The following AASDH variants were observed in gnomAD, a reference collection of about 807,000 sequenced individuals.
AASDH encodes the protein beta-alanine-activating enzyme.
A neutral mutation model predicts 102.3 loss-of-function variants in AASDH; 81 were observed. That is an observed-to-expected ratio of 0.79 (90% CI 0.66 to 0.95). The LOEUF is 0.95. Among genes scored for constraint, AASDH ranks in the 40% least tolerant of loss-of-function variants. The pLI is 0.00. For synonymous variants in AASDH, 398 were observed against 454.0 expected (o/e 0.88, Z 1.57); for missense variants, 1,203 against 1,266.2 (o/e 0.95, Z 0.76).
intron 4 of AASDH, among the ~76,000 whole-genome samples, chr4:56,377,463 G>T (rs1226986648): frequency 6.6e-6 from 1 of 152,172 alleles, no homozygotes; most frequent in Non-Finnish European, 1.5e-5. Context: ...GGGCATACCA[G>T]GCTCCTGATC....
intron 1 of AASDH, among the ~76,000 whole-genome samples, chr4:56,385,362 C>T (rs1181725998): frequency 6.6e-6 from 1 of 152,104 alleles, no homozygotes; most frequent in Non-Finnish European, 1.5e-5. Flanking sequence ...TTCACTTAGA[C>T]TGAAAATATA....
At chr4:56,375,531 T>C (rs941462408) in intron 4 of AASDH, among the ~76,000 whole-genome samples, 4 of 152,146 alleles carry the variant, frequency 2.6e-5, no homozygotes, top group Non-Finnish European at 5.9e-5. Flanking sequence ...AAGCACAAAA[T>C]AGGTATCAAG....
intron 3 of AASDH, among the ~76,000 whole-genome samples, chr4:56,378,865 G>A (rs1050221776): frequency 1.3e-5 from 2 of 148,848 alleles, no homozygotes; most frequent in Non-Finnish European, 3.0e-5. Flanking sequence ...GGAGTGCAGT[G>A]GTATAATCTT....
intron 7 of AASDH, 108 bp downstream of exon 7, chr4:56,354,597 C>A: frequency 1.3e-6 from 1 of 765,346 alleles, no homozygotes; most frequent in Non-Finnish European, 2.1e-6. Context: ...TAAAAATTAT[C>A]ACTGAAAAGC....
Position 56,354,625 on chromosome 4 carries a change from A to G in AASDH, c.1210+80T>C. 4 of 1,078,346 alleles carry G rather than the reference A, an allele frequency of 3.7e-6. No homozygotes were observed. The South Asian group carries it at 6.2e-5, about 17-fold the overall frequency. The allele number at this position is 1,078,346 out of a possible 1,614,324, so 66.8% of individuals were successfully genotyped here. A position where few individuals can be genotyped will look rare whatever the true frequency, so the allele number is the denominator to read the frequency against. On this transcript the variant is annotated intron_variant, in intron 7 of 14. Coordinates refer to ENST00000205214, the MANE Select transcript of AASDH (RefSeq NM_181806.4). ...TGAAAAGCATGAGATAGACAAAAGA[A>G]AAAGACGAAAGGAATAAAATTAACA...
intron 3 of AASDH, among the ~76,000 whole-genome samples, chr4:56,379,185 C>T (rs1560617177): frequency 1.3e-5 from 2 of 152,150 alleles, no homozygotes; most frequent in Non-Finnish European, 2.9e-5. Context: ...CCACGCCTGA[C>T]CACAGCAGTG....
intron 14 of AASDH, among the ~76,000 whole-genome samples, chr4:56,341,834 G>A (rs569227545): frequency 7.7e-4 from 117 of 152,070 alleles, no homozygotes; most frequent in East Asian, 2.9e-3. Context: ...GTTGGGGGCC[G>A]GGCGTGGTGG....
At chr4:56,355,481 C>T in intron 5 of AASDH, 58 bp from the exon 6 acceptor site, 1 of 1,484,730 alleles carries the variant, frequency 6.7e-7, no homozygotes, top group Non-Finnish European at 9.1e-7. Context: ...AAAAGGTAAG[C>T]ACTGTAGTTA....
intron 5 of AASDH, among the ~76,000 whole-genome samples, chr4:56,363,151 C>T (rs184364478): frequency 0.016 from 2,454 of 152,342 alleles, 77 homozygotes; most frequent in African/African-American, 0.055. Flanking sequence ...GAGATCAAAC[C>T]GCAAGGCGGC....
At chr4:56,361,964 C>G (rs1750353199) in intron 5 of AASDH, among the ~76,000 whole-genome samples, 1 of 152,024 alleles carries the variant, frequency 6.6e-6, no homozygotes, top group Non-Finnish European at 1.5e-5. Flanking sequence ...AAAGCAAGAC[C>G]CTGTCTCAAA....
In AASDH at chr4:56,342,849, G is replaced by A. The variant is rs771466760; in HGVS notation, c.2893C>T (p.His965Tyr). ...AGTTCTATTACCTGTTCTCCAAAGT[G>A]AGTAAAGCAGAGTAAATTCCCATCT... ...CVDGNLLCFTHFGEQVWQFST... is the reference protein window; with the variant it reads ...CVDGNLLCFTYFGEQVWQFST... Residue 965 changes from histidine to tyrosine, a missense_variant, in exon 14 of 15, where the codon CAC becomes TAC. Physicochemically the swap from His to Tyr is moderately conservative, Grantham distance 83 (BLOSUM62 2). Coordinates refer to ENST00000205214, the MANE Select transcript of AASDH (RefSeq NM_181806.4). 7.5e-6 allele frequency: 11 copies of A among 1,465,550 alleles called. No homozygotes were observed. In the South Asian group the frequency reaches 1.3e-4, roughly 17 times the overall value. The allele number at this position is 1,465,550 out of a possible 1,614,324, so 90.8% of individuals were successfully genotyped here.
intron 4 of AASDH, among the ~76,000 whole-genome samples, chr4:56,375,094 G>C (rs998118584): frequency 2.4e-4 from 36 of 150,046 alleles, no homozygotes; most frequent in African/African-American, 8.6e-4. Flanking sequence ...TTTTTTTTAA[G>C]ACAGAGTCTC....
chr4:56,357,450 T>C (rs961386737), intron 5 of AASDH, among the ~76,000 whole-genome samples: 4 of 152,086 alleles, frequency 2.6e-5, no homozygotes, highest in Non-Finnish European at 5.9e-5. Flanking sequence ...GGGGATTAGA[T>C]TTCAACATAT....
chr4:56,347,752 A>G (rs1748488194), intron 11 of AASDH, among the ~76,000 whole-genome samples: 1 of 152,186 alleles, frequency 6.6e-6, no homozygotes, highest in African/African-American at 2.4e-5. Flanking sequence ...AATTACAAAC[A>G]TTAGCCAGGT....
intron 1 of AASDH, 79 bp downstream of exon 1, chr4:56,387,283 G>A (rs1578103139): frequency 6.6e-6 from 1 of 152,286 alleles, no homozygotes; most frequent in Non-Finnish European, 1.5e-5. Context: ...AAATGTATGT[G>A]GAAGCAGGCT....
At chr4:56,369,653 G>A (rs887080978) in intron 5 of AASDH, among the ~76,000 whole-genome samples, 3 of 152,186 alleles carry the variant, frequency 2.0e-5, no homozygotes, top group East Asian at 1.9e-4. Flanking sequence ...GAAGGTGGGC[G>A]TGGTGGCTCA....
At chr4:56,355,494 A>G in intron 5 of AASDH, 71 bp from the exon 6 acceptor site, 1 of 1,402,062 alleles carries the variant, frequency 7.1e-7, no homozygotes, top group South Asian at 1.5e-5. Context: ...TGTAGTTATT[A>G]TTTCAAAGTT....
chr4:56,379,060 A>AT (rs767199224), intron 3 of AASDH, among the ~76,000 whole-genome samples: 33 of 150,948 alleles, frequency 2.2e-4, no homozygotes, highest in Middle Eastern at 3.4e-3. Context: ...ATGTTTTTGT[A>AT]TTTTTTTTAG....
Position 56,378,458 on chromosome 4 carries a change from T to A in AASDH, c.358A>T (p.Lys120Ter). Residue 120 changes from lysine (K) to a stop codon, truncating the protein, a stop_gained, in exon 4 of 15, where the codon AAA becomes TAA. Coordinates refer to ENST00000205214, the MANE Select transcript of AASDH (RefSeq NM_181806.4). LOFTEE classifies it high-confidence loss of function. ...LVEKKQINKF[K>*]SFHETLLNYD... Reference sequence around the variant, plus strand: ...TTCAATAATGTTTCATGAAAAGATTTAAATTTCTGTGTGAAATGGGGGACA... The same window carrying A: ...TTCAATAATGTTTCATGAAAAGATTAAAATTTCTGTGTGAAATGGGGGACA... 6.3e-7 allele frequency: 1 copy of A among 1,591,844 alleles called. No individual in the cohort carries two copies. The highest frequency in any genetic ancestry group is 8.5e-7 in the Non-Finnish European group (1 of 1,171,402).
Sources: gnomAD v4.1 joint callset for allele counts (sites outside exome capture counted in the v4.1 genomes callset) on GRCh38, gnomAD v4.1.1 for gene constraint, MANE v1.5 for transcripts, NCBI Gene and HGNC (gene_info 2026-07-23, HGNC 2026-07-21) for gene names.